Variants in PIGN observed in about 807,000 individuals in gnomAD.
PIGN encodes GPI ethanolamine phosphate transferase 1.
A neutral mutation model predicts 125.4 loss-of-function variants in PIGN; 117 were observed. The ratio of observed to expected loss-of-function variants is 0.93; its 90% CI spans 0.80 to 1.09. The LOEUF is 1.09. Among genes scored for constraint, PIGN ranks in the 50% least tolerant of loss-of-function variants. The probability of loss-of-function intolerance (pLI) is 0.00; values close to 1 mark genes in which losing one functional copy is unlikely to be tolerated. For missense variants in PIGN, 1,075 were observed against 1,094.9 expected, an observed-to-expected ratio of 0.98 and a Z score of 0.26; for synonymous variants, 392 against 377.8, an observed-to-expected ratio of 1.04 and a Z score of -0.44.
At chr18:62,090,959 G>A (rs62095302) in intron 23 of PIGN, among the ~76,000 whole-genome samples, 25,668 of 151,842 alleles carry the variant, frequency 0.17, 2,904 homozygotes, top group Middle Eastern at 0.28. Context: ...CAAAAAAATG[G>A]GCGCAACAAG....
At chr18:62,150,491 T>TA (rs896178476) in intron 7 of PIGN, among the ~76,000 whole-genome samples, 316 of 152,262 alleles carry the variant, frequency 2.1e-3, no homozygotes, top group African/African-American at 7.2e-3. Flanking sequence ...AGAAGATGCA[T>TA]GAACTGAGTT....
At chr18:62,164,311 A>G (rs990554627) in intron 1 of PIGN, among the ~76,000 whole-genome samples, 2 of 152,236 alleles carry the variant, frequency 1.3e-5, no homozygotes, top group Non-Finnish European at 1.5e-5. Context: ...TATAATATAT[A>G]ACATAATGTA....
Position 62,032,778 on chromosome 18 carries a change from T to C in PIGN, c.2143-15037A>G, listed in dbSNP as rs116260096. Among the ~76,000 whole-genome samples the C allele has an allele frequency of 1.4e-3, 212 of 152,318 alleles. 1 individual carries two copies. Among genetic ancestry groups the C allele is most frequent in the African/African-American group, 5.0e-3 (207 of 41,564 alleles). On this transcript the variant is annotated intron_variant, in intron 23 of 24. Coordinates refer to the PIGN transcript ENST00000639600. Reference sequence around the variant, plus strand: ...GTATAATAATACCTACCTCACAGGGTTCTTATAAGAATTAAAGAGGTTAGT... The same window carrying C: ...GTATAATAATACCTACCTCACAGGGCTCTTATAAGAATTAAAGAGGTTAGT...
At chr18:62,070,967 G>A (rs1016884861) in intron 30 of PIGN, among the ~76,000 whole-genome samples, 4 of 151,880 alleles carry the variant, frequency 2.6e-5, no homozygotes, top group East Asian at 1.9e-4. Context: ...CACTGCACTC[G>A]GGTAATTTTT....
At chr18:62,180,273 GT>G (rs1310569611) in intron 1 of PIGN, among the ~76,000 whole-genome samples, 3 of 152,070 alleles carry the variant, frequency 2.0e-5, no homozygotes, top group Non-Finnish European at 4.4e-5. Flanking sequence ...GAAAAAGTGT[GT>G]TTTTTTCCTG....
intron 30 of PIGN, among the ~76,000 whole-genome samples, chr18:62,051,606 G>A (rs1202720381): frequency 1.3e-5 from 2 of 151,770 alleles, no homozygotes; most frequent in Non-Finnish European, 2.9e-5. Context: ...TTCTTTATTA[G>A]TCTTGCTAGT....
At chr18:62,127,146 T>C (rs549187927) in intron 14 of PIGN, among the ~76,000 whole-genome samples, 1 of 152,274 alleles carries the variant, frequency 6.6e-6, no homozygotes, top group South Asian at 2.1e-4. Flanking sequence ...ATCATTCTGA[T>C]TCAGTTTCCT....
chr18:62,142,863 A>AT (rs1338764138), intron 11 of PIGN, among the ~76,000 whole-genome samples: 1 of 152,242 alleles, frequency 6.6e-6, no homozygotes, highest in South Asian at 2.1e-4. Context: ...TAATCTCATC[A>AT]TTTTTTTCCC....
At chr18:62,105,718 G>A in intron 19 of PIGN, 84 bp from the exon 20 acceptor site, 6 of 701,246 alleles carry the variant, frequency 8.6e-6, no homozygotes, top group East Asian at 2.9e-5. Flanking sequence ...TGACTGTGAA[G>A]GTAAAAGGAA....
At chr18:62,151,944 T>C (rs931572626) in intron 7 of PIGN, among the ~76,000 whole-genome samples, 17 of 152,198 alleles carry the variant, frequency 1.1e-4, no homozygotes, top group African/African-American at 3.9e-4. Flanking sequence ...GAGCCAAATA[T>C]GAGTGGCCAT....
At chr18:62,058,215 CTT>C (rs1258929877) in intron 30 of PIGN, among the ~76,000 whole-genome samples, 2 of 152,228 alleles carry the variant, frequency 1.3e-5, no homozygotes, top group African/African-American at 2.4e-5. Context: ...TCCTATCTCT[CTT>C]CTCTTGATGT....
At chr18:62,105,088 A>T (rs1319762114) in intron 20 of PIGN, 1 of 152,336 alleles carries the variant, frequency 6.6e-6, no homozygotes, top group Non-Finnish European at 1.5e-5. Flanking sequence ...CCTCCCATGG[A>T]GATCTTTACA....
chr18:62,139,072 T>G lies in PIGN; in HGVS notation c.1027A>C (p.Ile343Leu). 6.3e-7 allele frequency: 1 copy of G among 1,590,472 alleles called. No homozygotes were observed. Among genetic ancestry groups the G allele is most frequent in the South Asian group, 1.1e-5 (1 of 88,554 alleles). The change falls in exon 13 of 31, where the codon ATC becomes CTC. Residue 343 changes from isoleucine to leucine, a missense_variant. Physicochemically the swap from Ile to Leu is conservative, Grantham distance 5. Transcript: ENST00000640252. The stretch of plus-strand genomic sequence containing the variant: ...TTGTTAAGATAATCCACAGGAAGGA[T>G]TCCCTGAAAATAACAAACACCAGCT... ...GVPFPLNSVGILPVDYLNNTD... is the reference protein window; with the variant it reads ...GVPFPLNSVGLLPVDYLNNTD...
chr18:62,077,414 C>T (rs1317799881), intron 28 of PIGN, among the ~76,000 whole-genome samples: 1 of 152,030 alleles, frequency 6.6e-6, no homozygotes, highest in Non-Finnish European at 1.5e-5. Flanking sequence ...TTTAAAAAAC[C>T]TTTACATACC....
At chr18:62,128,714 T>A (rs1019383297) in intron 14 of PIGN, among the ~76,000 whole-genome samples, 1 of 152,290 alleles carries the variant, frequency 6.6e-6, no homozygotes, top group Admixed American at 6.5e-5. Flanking sequence ...AATATTTTAA[T>A]AAAATGTTTA....
At chr18:62,143,841 A>G (rs530388611) in intron 10 of PIGN, among the ~76,000 whole-genome samples, 18 of 152,302 alleles carry the variant, frequency 1.2e-4, no homozygotes, top group African/African-American at 3.8e-4. Flanking sequence ...TAGTATATTG[A>G]GTTATTATTA....
chr18:62,105,257 A>G (rs933646147), intron 20 of PIGN: 1 of 210,052 alleles, frequency 4.8e-6, no homozygotes, highest in African/African-American at 2.3e-5. Context: ...TCCTCCAAGC[A>G]TAAAAGAAAG....
intron 28 of PIGN, among the ~76,000 whole-genome samples, chr18:62,078,411 A>G (rs2033282720): frequency 6.6e-6 from 1 of 152,234 alleles, no homozygotes; most frequent in African/African-American, 2.4e-5. Context: ...AGCTAGTAAC[A>G]GTAAGTCATA....
chr18:62,184,067 T>A (rs898245272), intron 1 of PIGN, among the ~76,000 whole-genome samples: 2 of 152,260 alleles, frequency 1.3e-5, no homozygotes, highest in South Asian at 4.1e-4. Context: ...ATTAAAATTT[T>A]AAAAAGATAT....
Sources: gnomAD v4.1 joint callset for allele counts (sites outside exome capture counted in the v4.1 genomes callset) on GRCh38, gnomAD v4.1.1 for gene constraint, MANE v1.5 for transcripts, NCBI Gene and HGNC (gene_info 2026-07-23, HGNC 2026-07-21) for gene names.